The following SLC16A7 variants were observed in gnomAD, a reference collection of about 807,000 sequenced individuals.
SLC16A7 encodes the protein solute carrier family 16 member 7.
In SLC16A7, 33 loss-of-function variants were observed where a neutral mutation model predicts 34.9. That is an observed-to-expected ratio of 0.94 (90% confidence interval 0.72 to 1.26). SLC16A7 has a LOEUF of 1.26. Among genes scored for constraint, SLC16A7 ranks in the 50% most tolerant of loss-of-function variants. The probability of loss-of-function intolerance (pLI) is 0.00; values close to 1 mark genes in which losing one functional copy is unlikely to be tolerated. For synonymous variants in SLC16A7, 201 were observed against 206.6 expected (o/e 0.97, Z 0.23); for missense variants, 573 against 578.1 (o/e 0.99, Z 0.09).
At chr12:59,733,240 G>A (rs1450249064) in intron 3 of SLC16A7, among the ~76,000 whole-genome samples, 2 of 152,196 alleles carry the variant, frequency 1.3e-5, no homozygotes, top group Non-Finnish European at 2.9e-5. Context: ...TGGCCCAGTA[G>A]GTTGTGCTCG....
intron 2 of SLC16A7, among the ~76,000 whole-genome samples, chr12:59,698,637 C>T (rs1006316545): frequency 3.3e-5 from 5 of 151,774 alleles, no homozygotes; most frequent in South Asian, 4.1e-4. Flanking sequence ...ATATAAGTTC[C>T]GTTGTTCACT....
chr12:59,598,330 A>G (rs1308930821), intron 1 of SLC16A7, among the ~76,000 whole-genome samples: 2 of 152,234 alleles, frequency 1.3e-5, no homozygotes, highest in Admixed American at 1.3e-4. Flanking sequence ...TGTGGTAAGT[A>G]CCTAGAATAC....
At chr12:59,705,332 A>G (rs908844867) in intron 3 of SLC16A7, among the ~76,000 whole-genome samples, 2 of 152,170 alleles carry the variant, frequency 1.3e-5, no homozygotes, top group Non-Finnish European at 2.9e-5. Context: ...TCCACAACAT[A>G]TTGCTGATGT....
intron 1 of SLC16A7, among the ~76,000 whole-genome samples, chr12:59,625,328 CTCTG>C (rs1879879585): frequency 6.6e-6 from 1 of 151,808 alleles, no homozygotes; most frequent in African/African-American, 2.4e-5. Flanking sequence ...GATGCAGTCT[CTCTG>C]TGTATTAGTT....
rs1263681991 is a variant in SLC16A7, at chr12:59,784,244, A to G, written c.*4565A>G. The G allele has an allele frequency of 2.0e-5, 3 of 152,014 alleles. No homozygotes were observed. The highest frequency in any genetic ancestry group is 7.2e-5 in the African/African-American group (3 of 41,408). 9.4% of individuals were successfully genotyped at this position (152,014 alleles called of 1,614,324 possible). On this transcript the variant is annotated 3_prime_UTR_variant, in exon 6 of 6. Coordinates refer to ENST00000547379, the MANE Select transcript of SLC16A7 (RefSeq NM_001270623.2). ...TAATTACCTGGATGTGGTGATGTGC[A>G]CCTGTAGTCCCAGCTACTCGGGAGG...
In SLC16A7 at chr12:59,781,024, G is replaced by A. The variant is rs1883208846; in HGVS notation, c.*1345G>A. On this transcript the variant is annotated 3_prime_UTR_variant, in exon 6 of 6. Transcript: ENST00000547379. ...CCTTCTAGAAATAGAGGCACTGTATGACTTGCAATCGTAGGTATAGTTTAT... is the reference window on the plus strand; with the variant it reads ...CCTTCTAGAAATAGAGGCACTGTATAACTTGCAATCGTAGGTATAGTTTAT... 1 of 152,106 alleles carries A rather than the reference G, an allele frequency of 6.6e-6. No homozygotes were observed. Among genetic ancestry groups the A allele is most frequent in the Admixed American group, 6.6e-5 (1 of 15,254 alleles). 9.4% of individuals were successfully genotyped at this position (152,106 alleles called of 1,614,324 possible). A position where few individuals can be genotyped will look rare whatever the true frequency, so the allele number is the denominator to read the frequency against.
At chr12:59,665,632 C>G (rs1477516456) in intron 2 of SLC16A7, among the ~76,000 whole-genome samples, 1 of 151,772 alleles carries the variant, frequency 6.6e-6, no homozygotes, top group African/African-American at 2.4e-5. Flanking sequence ...CAGCTGGTGT[C>G]TAAAAATAAA....
At chr12:59,599,803 C>A (rs560748178) in intron 1 of SLC16A7, among the ~76,000 whole-genome samples, 2 of 152,354 alleles carry the variant, frequency 1.3e-5, no homozygotes, top group Non-Finnish European at 2.9e-5. Flanking sequence ...ATCTGAACTA[C>A]TTCGTAACTT....
chr12:59,654,392 A>G (rs1868428188), intron 1 of SLC16A7, among the ~76,000 whole-genome samples: 1 of 151,740 alleles, frequency 6.6e-6, no homozygotes, highest in Non-Finnish European at 1.5e-5. Flanking sequence ...ACAAATGTTA[A>G]CTAGCTTAAT....
chr12:59,672,678 G>A (rs1301105904), intron 2 of SLC16A7, among the ~76,000 whole-genome samples: 1 of 152,074 alleles, frequency 6.6e-6, no homozygotes, highest in Admixed American at 6.6e-5. Context: ...GCTTGCAGAA[G>A]AGAGTTTACA....
chr12:59,708,921 G>A (rs1378981515), intron 3 of SLC16A7, among the ~76,000 whole-genome samples: 1 of 151,598 alleles, frequency 6.6e-6, no homozygotes, highest in Non-Finnish European at 1.5e-5. Flanking sequence ...AATCCATCTG[G>A]ATGTCCATAT....
At chr12:59,647,035 A>C (rs1868259538) in intron 1 of SLC16A7, among the ~76,000 whole-genome samples, 1 of 152,202 alleles carries the variant, frequency 6.6e-6, no homozygotes, top group South Asian at 2.1e-4. Context: ...ACAGGTTCAC[A>C]GACAGAAGGG....
intron 3 of SLC16A7, among the ~76,000 whole-genome samples, chr12:59,756,789 A>G (rs1014196808): frequency 3.0e-5 from 4 of 134,962 alleles, no homozygotes; most frequent in Admixed American, 1.5e-4. Context: ...TCATGCTGCT[A>G]TAAAGACACA....
At position 59,608,032 on chromosome 12, in the gene SLC16A7, G is replaced by A. The variant is rs1028048634; in HGVS notation, c.-130+11796G>A. On this transcript the variant is annotated intron_variant, in intron 1 of 5. Transcript: ENST00000547379. ...GTGGCTTAATTCTTTTCTATTCAAA[G>A]CATTGTGCCATGTTTTTAAAAAGTT... 4.6e-5 allele frequency among the ~76,000 whole-genome samples: 7 copies of A among 152,120 alleles called. No homozygotes were observed. The South Asian group carries it at 6.2e-4, about 13-fold the overall frequency.
chr12:59,705,430 A>T (rs1368783428), intron 3 of SLC16A7, among the ~76,000 whole-genome samples: 1 of 152,186 alleles, frequency 6.6e-6, no homozygotes, highest in Non-Finnish European at 1.5e-5. Flanking sequence ...AAGCCCAGAA[A>T]GTACATCACT....
intron 3 of SLC16A7, among the ~76,000 whole-genome samples, chr12:59,746,297 A>T (rs945858273): frequency 6.6e-6 from 1 of 152,222 alleles, no homozygotes; most frequent in Non-Finnish European, 1.5e-5. Context: ...ATGGATAGTG[A>T]TGTCTACCAA....
At chr12:59,632,442 A>G (rs1298636932) in intron 1 of SLC16A7, among the ~76,000 whole-genome samples, 3 of 152,050 alleles carry the variant, frequency 2.0e-5, no homozygotes, top group Admixed American at 6.6e-5. Context: ...CATCCCTGGC[A>G]TCTACCCAGT....
chr12:59,776,624 A>G (rs1882782535), intron 5 of SLC16A7, among the ~76,000 whole-genome samples: 1 of 152,112 alleles, frequency 6.6e-6, no homozygotes, highest in Non-Finnish European at 1.5e-5. Context: ...ACCATTCTGA[A>G]AGTGTGAAAA....
chr12:59,750,117 A>G (rs1879348572), intron 3 of SLC16A7, among the ~76,000 whole-genome samples: 1 of 152,244 alleles, frequency 6.6e-6, no homozygotes, highest in South Asian at 2.1e-4. Context: ...AAACCCTAGG[A>G]GAAAACCTGG....
Sources: allele counts gnomAD v4.1 joint callset (sites outside exome capture counted in the v4.1 genomes callset), GRCh38; gene constraint gnomAD v4.1.1; transcripts MANE v1.5; gene names NCBI Gene and HGNC (gene_info 2026-07-23, HGNC 2026-07-21).